Variants in SAMMSON observed in about 807,000 individuals in gnomAD.
SAMMSON encodes the protein long intergenic non-protein coding RNA 1212.
chr3:70,409,106 G>A (rs780473499), intron 2 of SAMMSON, among the ~76,000 whole-genome samples: 47 of 152,174 alleles, frequency 3.1e-4, no homozygotes, highest in East Asian at 5.8e-4. Flanking sequence ...GGTGTCTCCC[G>A]TAACACATGG....
At chr3:70,207,091 C>A (rs922359073) in intron 4 of SAMMSON, among the ~76,000 whole-genome samples, 21 of 147,592 alleles carry the variant, frequency 1.4e-4, no homozygotes, top group African/African-American at 5.2e-4. Flanking sequence ...TCACTTGGAT[C>A]AACAAAATCT....
intron 4 of SAMMSON, among the ~76,000 whole-genome samples, chr3:70,144,275 A>G (rs2067539322): frequency 6.6e-6 from 1 of 152,132 alleles, no homozygotes; most frequent in Admixed American, 6.6e-5. Context: ...TTTTAATGCT[A>G]ACTTTATAAT....
intron 4 of SAMMSON, among the ~76,000 whole-genome samples, chr3:70,174,120 GA>G (rs1465351588): frequency 6.6e-6 from 1 of 151,846 alleles, no homozygotes; most frequent in Non-Finnish European, 1.5e-5. Context: ...CTTAGGTTAT[GA>G]ACAGATTTTG....
chr3:70,092,595 A>G (rs1227437978), intron 4 of SAMMSON, among the ~76,000 whole-genome samples: 2 of 151,992 alleles, frequency 1.3e-5, no homozygotes, highest in Admixed American at 6.6e-5. Flanking sequence ...CCTCCCACCC[A>G]AAGAAGAACC....
chr3:70,407,170 A>G (rs184018188), intron 2 of SAMMSON, among the ~76,000 whole-genome samples: 2 of 152,206 alleles, frequency 1.3e-5, no homozygotes, highest in Admixed American at 1.3e-4. Context: ...GGTCCCTCCC[A>G]CAACACATGG....
At chr3:70,042,685 T>C (rs182517745) in intron 3 of SAMMSON, among the ~76,000 whole-genome samples, 45 of 152,248 alleles carry the variant, frequency 3.0e-4, no homozygotes, top group African/African-American at 1.0e-3. Context: ...TTGTGAAGTC[T>C]GCCAACAGAA....
intron 6 of SAMMSON, among the ~76,000 whole-genome samples, chr3:70,290,572 C>T (rs1702225685): frequency 1.3e-5 from 2 of 152,258 alleles, no homozygotes; most frequent in African/African-American, 2.4e-5. Flanking sequence ...CCTCCTTGAG[C>T]TGTGGTGGGC....
chr3:70,196,488 A>G (rs895001839), intron 4 of SAMMSON, among the ~76,000 whole-genome samples: 2 of 152,238 alleles, frequency 1.3e-5, no homozygotes, highest in Non-Finnish European at 2.9e-5. Context: ...CCAACAATGC[A>G]TAATGTTTAT....
intron 2 of SAMMSON, among the ~76,000 whole-genome samples, chr3:70,409,446 A>C (rs1270145669): frequency 6.6e-6 from 1 of 151,992 alleles, no homozygotes; most frequent in Non-Finnish European, 1.5e-5. Context: ...GAAAAGCCTC[A>C]GAAGACAAAG....
At chr3:70,028,838 A>G (rs990286394) in intron 3 of SAMMSON, among the ~76,000 whole-genome samples, 3 of 152,210 alleles carry the variant, frequency 2.0e-5, no homozygotes, top group African/African-American at 7.2e-5. Context: ...CTCACCGATG[A>G]TAATGATAGT....
chr3:70,224,734 T>C (rs1183988322), intron 4 of SAMMSON, among the ~76,000 whole-genome samples: 1 of 152,084 alleles, frequency 6.6e-6, no homozygotes, highest in Non-Finnish European at 1.5e-5. Flanking sequence ...TTTTAATTCA[T>C]TTAACCATTG....
intron 4 of SAMMSON, among the ~76,000 whole-genome samples, chr3:70,189,845 A>G (rs1282618891): frequency 1.3e-5 from 2 of 152,226 alleles, no homozygotes; most frequent in Admixed American, 6.5e-5. Flanking sequence ...GAAATTCCAG[A>G]GCAATTTTAA....
intron 6 of SAMMSON, among the ~76,000 whole-genome samples, chr3:70,281,373 A>T (rs1702080742): frequency 6.6e-6 from 1 of 152,128 alleles, no homozygotes; most frequent in South Asian, 2.1e-4. Flanking sequence ...CCTCTGTCTA[A>T]TGGGTACGAT....
At chr3:70,130,200 C>A (rs2106673505) in intron 4 of SAMMSON, among the ~76,000 whole-genome samples, 1 of 152,260 alleles carries the variant, frequency 6.6e-6, no homozygotes, top group Middle Eastern at 3.4e-3. Flanking sequence ...GATTAACAGT[C>A]TTAAGATGGA....
Position 70,023,779 on chromosome 3 carries a change from A to G in SAMMSON, n.417+10107A>G, listed in dbSNP as rs536163584. Among the ~76,000 whole-genome samples the G allele has an allele frequency of 2.6e-5, 4 of 152,264 alleles. No individual in the cohort carries two copies. In the East Asian group the frequency reaches 5.8e-4, roughly 22 times the overall value. On this transcript the variant is annotated intron_variant and non_coding_transcript_variant, in intron 3 of 9. Transcript: ENST00000642114. Reference sequence around the variant, plus strand: ...TCTTGCCATGTCCATTTCTTTTGTCATGTGTATGTATTCCAATAAAACTTT... The same window carrying G: ...TCTTGCCATGTCCATTTCTTTTGTCGTGTGTATGTATTCCAATAAAACTTT...
At chr3:70,002,109 T>A (rs1296057760) in intron 1 of SAMMSON, among the ~76,000 whole-genome samples, 1 of 152,206 alleles carries the variant, frequency 6.6e-6, no homozygotes, top group Non-Finnish European at 1.5e-5. Context: ...AACCACTCCC[T>A]TGTAAGTGGA....
intron 2 of SAMMSON, among the ~76,000 whole-genome samples, chr3:70,410,803 T>A (rs760252738): frequency 6.6e-6 from 1 of 152,182 alleles, no homozygotes; most frequent in Non-Finnish European, 1.5e-5. Flanking sequence ...TGAAATTGAT[T>A]ATGGAAGTTA....
chr3:70,290,892 G>A (rs186859261), intron 6 of SAMMSON, among the ~76,000 whole-genome samples: 14 of 152,306 alleles, frequency 9.2e-5, no homozygotes, highest in South Asian at 8.3e-4. Flanking sequence ...CTTCCCGAGT[G>A]AGGCAATGCC....
At chr3:70,046,025 G>A (rs2067126088) in intron 3 of SAMMSON, among the ~76,000 whole-genome samples, 1 of 152,100 alleles carries the variant, frequency 6.6e-6, no homozygotes, top group Non-Finnish European at 1.5e-5. Context: ...TTTTTAAAAT[G>A]CAAGTAATCT....
Sources: gnomAD v4.1 joint callset for allele counts (sites outside exome capture counted in the v4.1 genomes callset) on GRCh38, gnomAD v4.1.1 for gene constraint, MANE v1.5 for transcripts, NCBI Gene and HGNC (gene_info 2026-07-23, HGNC 2026-07-21) for gene names.